The following UTRN variants were observed in gnomAD, a reference collection of about 807,000 sequenced individuals.
UTRN encodes the protein dystrophin-related protein 1.
In UTRN, 283 loss-of-function variants were observed where a neutral mutation model predicts 463.9. The observed-to-expected ratio is 0.61, with a 90% CI of 0.55 to 0.67. UTRN has a LOEUF of 0.67. Ranked by LOEUF, UTRN falls within the 30% of genes least tolerant of loss-of-function variation. The pLI, the probability that UTRN is intolerant of heterozygous loss-of-function variation, is 0.00. For synonymous variants in UTRN, 1,442 were observed against 1,431.5 expected (o/e 1.01, Z -0.17); for missense variants, 3,922 against 4,084.3 (o/e 0.96, Z 1.08).
In UTRN at chr6:144,428,888, C is replaced by T; in HGVS notation, c.689C>T (p.Pro230Leu). 1 of 1,598,838 alleles carries T rather than the reference C, an allele frequency of 6.3e-7. No homozygotes were observed. Among genetic ancestry groups the T allele is most frequent in the East Asian group, 2.2e-5 (1 of 44,596 alleles). Residue 230 changes from proline to leucine, a missense_variant, in exon 8 of 75, where the codon CCT (proline) becomes CTT (leucine). By Grantham distance (98) the Pro-to-Leu change is moderately conservative. Coordinates refer to ENST00000367545, the MANE Select transcript of UTRN (RefSeq NM_007124.3). ...TTGGGAATTGAAAAGCTGTTAGATC[C>T]TGAAGGTATTGTCCAGTATTTAATT... ...TYLGIEKLLD[P>L]EDVAVQLPDK...
chr6:144,366,207 C>G (rs571927900), intron 2 of UTRN, among the ~76,000 whole-genome samples: 5 of 152,290 alleles, frequency 3.3e-5, no homozygotes, highest in Non-Finnish European at 4.4e-5. Flanking sequence ...GGAGAGTATA[C>G]CCGTGGGAGA....
At chr6:144,507,060 A>G (rs557996082) in intron 34 of UTRN, among the ~76,000 whole-genome samples, 9 of 151,860 alleles carry the variant, frequency 5.9e-5, no homozygotes, top group East Asian at 2.0e-4. Context: ...CGATTCAGCT[A>G]TTGATACATG....
At chr6:144,821,094 G>T (rs1779559194) in intron 66 of UTRN, 76 bp downstream of exon 66, 5 of 1,514,884 alleles carry the variant, frequency 3.3e-6, no homozygotes, top group Non-Finnish European at 4.4e-6. Context: ...AGTAACACAA[G>T]AGAAATTGTT....
chr6:144,766,786 G>GT (rs1562881876), intron 58 of UTRN, among the ~76,000 whole-genome samples: 1 of 147,394 alleles, frequency 6.8e-6, no homozygotes, highest in Non-Finnish European at 1.5e-5. Flanking sequence ...TTTGAGGTAG[G>GT]GGTGTGTGTG....
At chr6:144,668,000 C>A (rs1430802345) in intron 51 of UTRN, among the ~76,000 whole-genome samples, 1 of 152,118 alleles carries the variant, frequency 6.6e-6, no homozygotes, top group Non-Finnish European at 1.5e-5. Flanking sequence ...TGCATTGGAC[C>A]AGATTTGGTT....
intron 60 of UTRN, among the ~76,000 whole-genome samples, chr6:144,777,521 A>G (rs1775437164): frequency 6.6e-6 from 1 of 152,200 alleles, no homozygotes; most frequent in East Asian, 1.9e-4. Flanking sequence ...GGAGCTTCCA[A>G]GATAGTGGTA....
At chr6:144,711,104 G>A (rs920308671) in intron 53 of UTRN, among the ~76,000 whole-genome samples, 1 of 152,124 alleles carries the variant, frequency 6.6e-6, no homozygotes, top group African/African-American at 2.4e-5. Context: ...GATCACTTGA[G>A]GCCAGGAGTT....
chr6:144,437,720 G>A lies in UTRN; in HGVS notation c.1215G>A (p.Arg405=), dbSNP rs756857262. The A allele has an allele frequency of 1.9e-6, 3 of 1,613,888 alleles. No homozygotes were observed. Among genetic ancestry groups the A allele is most frequent in the Middle Eastern group, 1.7e-4 (1 of 6,058 alleles). Residue 405 remains arginine (R), a synonymous_variant, in exon 11 of 75, where the codon AGG becomes AGA. Transcript: ENST00000367545. ...TGAATGCTAGATGGGAGGCTCTTAG[G>A]GTGGAGAGTATGGACAGACAGTCCC... The part of the protein sequence containing the change: ...TLLNARWEAL[R]VESMDRQSRL...
Position 144,846,893 on chromosome 6 carries a change from C to CGTGG in UTRN, c.10293+67_10293+68insTGGG, listed in dbSNP as rs1562981000. 1.2e-5 allele frequency: 19 copies of CGTGG among 1,585,216 alleles called. No individual in the cohort carries two copies. In the African/African-American group the frequency reaches 1.8e-4, roughly 15 times the overall value. On this transcript the variant is annotated intron_variant, in intron 74 of 74. Transcript: ENST00000367545. ...CAACCTAGAGTAAGCAGATTATCCA[C>CGTGG]GACTGATTTTATTCCTACTTTATTC...
chr6:144,469,703 C>CTTTTTTTTTTTTTTTT lies in UTRN; in HGVS notation c.3067-4006_3067-4005insTTTTTTTTTTTTTTTT, dbSNP rs545551155. Among the ~76,000 whole-genome samples the CTTTTTTTTTTTTTTTT allele has an allele frequency of 4.4e-3, 595 of 135,214 alleles. 4 individuals carry two copies. Among genetic ancestry groups the CTTTTTTTTTTTTTTTT allele is most frequent in the African/African-American group, 0.011 (375 of 32,840 alleles). The allele number at this position is 135,214 out of a possible 152,430, so 88.7% of individuals were successfully genotyped here. ...CATGGCTTCTCTGTCTGTTTCTTTCCTTTTTTTTTTTAGTATTTATTGATC... is the reference window on the plus strand; with the variant it reads ...CATGGCTTCTCTGTCTGTTTCTTTCCTTTTTTTTTTTTTTTTTTTTTTTTTTTAGTATTTATTGATC... On this transcript the variant is annotated intron_variant, in intron 23 of 74. Coordinates refer to ENST00000367545, the MANE Select transcript of UTRN (RefSeq NM_007124.3).
rs147112568 is a variant in UTRN, at chr6:144,380,153, A to G, written c.80-22970A>G. ...TTAAGAATGGAAATCAGCATTAGGA[A>G]TGCATAATAACAGAGTGGGAGATAT... On this transcript the variant is annotated intron_variant, in intron 2 of 74. Coordinates refer to ENST00000367545, the MANE Select transcript of UTRN (RefSeq NM_007124.3). Among the ~76,000 whole-genome samples the G allele has an allele frequency of 8.5e-5, 13 of 152,354 alleles. No homozygotes were observed. The East Asian group carries it at 2.5e-3, about 29-fold the overall frequency.
At chr6:144,480,555 T>C (rs1427675438) in intron 26 of UTRN, among the ~76,000 whole-genome samples, 2 of 152,194 alleles carry the variant, frequency 1.3e-5, no homozygotes, top group African/African-American at 2.4e-5. Context: ...GCGGTAGGAA[T>C]GCATCGGGGA....
At chr6:144,630,629 G>A (rs560269754) in intron 51 of UTRN, among the ~76,000 whole-genome samples, 1 of 152,138 alleles carries the variant, frequency 6.6e-6, no homozygotes, top group South Asian at 2.1e-4. Context: ...GGTGAGATTT[G>A]GATGGGGACA....
intron 73 of UTRN, among the ~76,000 whole-genome samples, chr6:144,842,825 C>T (rs189081519): frequency 6.6e-6 from 1 of 151,976 alleles, no homozygotes; most frequent in South Asian, 2.1e-4. Flanking sequence ...TCCCCACCCC[C>T]CAAAGCACAT....
At chr6:144,776,301 A>T (rs1775314929) in intron 60 of UTRN, among the ~76,000 whole-genome samples, 1 of 152,196 alleles carries the variant, frequency 6.6e-6, no homozygotes. Flanking sequence ...GATTGCCTGT[A>T]ATAGCAGGTT....
rs1446112835 is a variant in UTRN at position 144,577,242 on chromosome 6, C to A, written c.7433C>A (p.Ala2478Asp). 4.3e-6 allele frequency: 7 copies of A among 1,613,808 alleles called. No homozygotes were observed. Among genetic ancestry groups the A allele is most frequent in the Non-Finnish European group, 5.9e-6 (7 of 1,179,914 alleles). ...GTGGATGCCTCTCATCGGGAGAATG[C>A]TCTTCAGGATAGTATCTTGGCCAGG... The part of the protein sequence containing the change: ...VLVDASHREN[A>D]LQDSILAREL... Residue 2478 changes from alanine to aspartate, a missense_variant, in exon 51 of 75, where the codon GCT (alanine) becomes GAT (aspartate). By Grantham distance (126) the Ala-to-Asp change is moderately radical. This residue lies in a region of UTRN where 1,309 missense variants were observed against 1,452.6 expected (regional missense o/e 0.90). Transcript: ENST00000367545.
In UTRN at chr6:144,308,602, T is replaced by G. The variant is rs557344520; in HGVS notation, c.79+16695T>G. Among the ~76,000 whole-genome samples, 14 of 152,254 alleles carry G rather than the reference T, an allele frequency of 9.2e-5. 1 individual carries two copies. In the South Asian group the frequency reaches 1.7e-3, roughly 18 times the overall value. On this transcript the variant is annotated intron_variant, in intron 2 of 74. Transcript: ENST00000367545. ...GCCACCATGCCCGGCTGACTTTGCC[T>G]ACTCTTGCCCTAAGAAAATTGAAGC...
In UTRN at chr6:144,490,216, G is replaced by C; in HGVS notation, c.4263+17G>C. On this transcript the variant is annotated intron_variant, in intron 31 of 74. Transcript: ENST00000367545. ...GTGCTACAGGTAAAGAAGGCCAGGA[G>C]CTTCCTTTTACTTTTCAACTTGTTG... 1 of 1,581,372 alleles carries C rather than the reference G, an allele frequency of 6.3e-7. No homozygotes were observed. Among genetic ancestry groups the C allele is most frequent in the Non-Finnish European group, 8.5e-7 (1 of 1,170,716 alleles).
chr6:144,811,887 A>AT (rs1293699951), intron 65 of UTRN, among the ~76,000 whole-genome samples: 1 of 152,112 alleles, frequency 6.6e-6, no homozygotes, highest in Non-Finnish European at 1.5e-5. Context: ...TTCAACAATG[A>AT]TTTTAGCACT....
Sources: gnomAD v4.1 joint callset for allele counts (sites outside exome capture counted in the v4.1 genomes callset) on GRCh38, gnomAD v4.1.1 for gene constraint, gnomAD v4.1.1 regional missense constraint, MANE v1.5 for transcripts, NCBI Gene and HGNC (gene_info 2026-07-23, HGNC 2026-07-21) for gene names.